The following CPNE4 variants were observed in gnomAD, a reference collection of about 807,000 sequenced individuals.
CPNE4 encodes the protein copine 4.
A neutral mutation model predicts 67.9 loss-of-function variants in CPNE4; 25 were observed. The ratio of observed to expected loss-of-function variants is 0.37; its 90% confidence interval spans 0.27 to 0.51. The LOEUF is 0.51. Among genes scored for constraint, CPNE4 ranks in the 20% least tolerant of loss-of-function variants. The pLI is 0.93. For synonymous variants in CPNE4, 242 were observed against 244.9 expected (o/e 0.99, Z 0.11); for missense variants, 464 against 690.8 (o/e 0.67, Z 3.68).
rs1049361818 is a variant in CPNE4 at position 131,563,293 on chromosome 3, C to G, written c.1061+923G>C. The stretch of plus-strand genomic sequence containing the variant: ...TCAATTTGTTGCTGCTCATTACTAA[C>G]TAGCCTTGGTTTACAATCACACCAG... On this transcript the variant is annotated intron_variant, in intron 11 of 15. Coordinates refer to ENST00000429747, the MANE Select transcript of CPNE4 (RefSeq NM_130808.3). Among the ~76,000 whole-genome samples the G allele has an allele frequency of 3.9e-5, 6 of 152,022 alleles. No homozygotes were observed. The East Asian group carries it at 5.8e-4, about 15-fold the overall frequency.
chr3:132,001,852 G>C (rs78817713), intron 1 of CPNE4, among the ~76,000 whole-genome samples: 1,932 of 152,162 alleles, frequency 0.013, 34 homozygotes, highest in African/African-American at 0.044. Flanking sequence ...TTTAAGCTTT[G>C]CTCAGTGTAA....
intron 1 of CPNE4, among the ~76,000 whole-genome samples, chr3:131,912,181 T>C (rs1269271780): frequency 2.6e-5 from 4 of 152,198 alleles, no homozygotes; most frequent in African/African-American, 9.6e-5. Flanking sequence ...ATTATAATTG[T>C]CCTTTCACTG....
chr3:131,706,311 A>C (rs1280487833), intron 3 of CPNE4, among the ~76,000 whole-genome samples: 2 of 152,252 alleles, frequency 1.3e-5, no homozygotes, highest in Non-Finnish European at 2.9e-5. Context: ...CTAAGGTCAC[A>C]CAACTATTAA....
chr3:131,823,082 G>A (rs2085021475), intron 2 of CPNE4, among the ~76,000 whole-genome samples: 1 of 152,080 alleles, frequency 6.6e-6, no homozygotes, highest in African/African-American at 2.4e-5. Context: ...CTCGTGATCT[G>A]CCTGCCTCAG....
chr3:132,024,594 T>G (rs2074077175), intron 1 of CPNE4, among the ~76,000 whole-genome samples: 1 of 152,218 alleles, frequency 6.6e-6, no homozygotes, highest in Admixed American at 6.5e-5. Context: ...CTAATCACCC[T>G]TATAATTATT....
chr3:131,647,304 G>A (rs1408136839), intron 7 of CPNE4, among the ~76,000 whole-genome samples: 1 of 152,162 alleles, frequency 6.6e-6, no homozygotes, highest in Non-Finnish European at 1.5e-5. Context: ...TTACTGCCAA[G>A]GGTTACTGTA....
At chr3:131,951,727 T>C (rs1030691084) in intron 1 of CPNE4, among the ~76,000 whole-genome samples, 3 of 152,228 alleles carry the variant, frequency 2.0e-5, no homozygotes, top group Non-Finnish European at 2.9e-5. Context: ...CACGCCTGAC[T>C]GGTTTTCGTA....
chr3:131,657,191 A>G (rs950945832), intron 7 of CPNE4, among the ~76,000 whole-genome samples: 1 of 152,188 alleles, frequency 6.6e-6, no homozygotes, highest in African/African-American at 2.4e-5. Flanking sequence ...TGATGCAATG[A>G]TTTCCTTCTG....
chr3:131,893,040 T>C (rs59430218), intron 2 of CPNE4, among the ~76,000 whole-genome samples: 11,393 of 152,032 alleles, frequency 0.075, 434 homozygotes, highest in East Asian at 0.1. Flanking sequence ...AGTGGCTGAA[T>C]AGGTTAAAAG....
intron 7 of CPNE4, among the ~76,000 whole-genome samples, chr3:131,630,667 T>G (rs759522386): frequency 6.6e-6 from 1 of 152,220 alleles, no homozygotes; most frequent in East Asian, 1.9e-4. Context: ...AGGAGACATA[T>G]GTGGCTAGGG....
intron 2 of CPNE4, among the ~76,000 whole-genome samples, chr3:131,830,216 T>A (rs1337721120): frequency 1.3e-5 from 2 of 152,130 alleles, no homozygotes; most frequent in Admixed American, 1.3e-4. Flanking sequence ...ATCCAATTCA[T>A]CCAGAAATTG....
At chr3:131,850,327 G>T (rs1311877911) in intron 2 of CPNE4, among the ~76,000 whole-genome samples, 1 of 152,088 alleles carries the variant, frequency 6.6e-6, no homozygotes, top group African/African-American at 2.4e-5. Flanking sequence ...AAGGCATTCT[G>T]CTGTCTGTCC....
At chr3:131,721,737 A>T (rs1467144399) in intron 3 of CPNE4, among the ~76,000 whole-genome samples, 1 of 152,180 alleles carries the variant, frequency 6.6e-6, no homozygotes, top group Non-Finnish European at 1.5e-5. Context: ...AAATTTATGC[A>T]TAGGAGGGAT....
At chr3:131,754,603 A>G (rs1339960090) in intron 2 of CPNE4, among the ~76,000 whole-genome samples, 3 of 152,182 alleles carry the variant, frequency 2.0e-5, no homozygotes, top group African/African-American at 4.8e-5. Context: ...ATGTATGTGG[A>G]TAAGTTGAAT....
intron 1 of CPNE4, among the ~76,000 whole-genome samples, chr3:131,995,952 A>G (rs1240113353): frequency 1.3e-5 from 2 of 152,198 alleles, no homozygotes; most frequent in African/African-American, 2.4e-5. Context: ...AGTAAACTCT[A>G]TCACTATCAC....
intron 1 of CPNE4, among the ~76,000 whole-genome samples, chr3:131,932,689 A>G (rs1195064696): frequency 1.3e-5 from 2 of 152,018 alleles, no homozygotes; most frequent in Non-Finnish European, 2.9e-5. Flanking sequence ...ACGCACTGGG[A>G]GGCCAAGGTG....
intron 1 of CPNE4, among the ~76,000 whole-genome samples, chr3:131,983,532 T>C (rs2072964094): frequency 6.6e-6 from 1 of 152,174 alleles, no homozygotes. Context: ...CAGTTAAGCA[T>C]TTACCTAGTT....
At chr3:131,920,508 G>T (rs1234840532) in intron 1 of CPNE4, among the ~76,000 whole-genome samples, 1 of 152,074 alleles carries the variant, frequency 6.6e-6, no homozygotes, top group African/African-American at 2.4e-5. Context: ...AATATTCAAG[G>T]CAGGACAGAC....
chr3:131,706,081 C>A (rs956881836), intron 3 of CPNE4, among the ~76,000 whole-genome samples: 5 of 152,164 alleles, frequency 3.3e-5, no homozygotes, highest in Non-Finnish European at 7.3e-5. Context: ...GTCAAGGGCA[C>A]ATGGTATCTT....
Sources: gnomAD v4.1 joint callset for allele counts (sites outside exome capture counted in the v4.1 genomes callset) on GRCh38, gnomAD v4.1.1 for gene constraint, MANE v1.5 for transcripts, NCBI Gene and HGNC (gene_info 2026-07-23, HGNC 2026-07-21) for gene names.